ZNF609: variants seen among roughly 807,000 people sequenced by gnomAD.
ZNF609 encodes the protein zinc finger protein 609.
ZNF609 carries 11 observed loss-of-function variants against 109.5 expected under a neutral mutation model. That is an observed-to-expected ratio of 0.10 (90% confidence interval 0.06 to 0.17). ZNF609 has a LOEUF of 0.17. Ranked by LOEUF, ZNF609 falls within the 10% of genes least tolerant of loss-of-function variation. ZNF609 has a pLI of 1.00. For synonymous variants in ZNF609, 646 were observed against 662.0 expected (o/e 0.98, Z 0.37); for missense variants, 1,559 against 1,772.4 (o/e 0.88, Z 2.16).
At chr15:64,609,130 T>TTC (rs750700444) in intron 2 of ZNF609, among the ~76,000 whole-genome samples, 14,042 of 83,698 alleles carry the variant, frequency 0.17, 1,099 homozygotes, top group Non-Finnish European at 0.18. Context: ...CTTTCTTTCT[T>TTC]TTTTTCTTTC....
At chr15:64,636,581 T>A (rs1595748293) in intron 3 of ZNF609, among the ~76,000 whole-genome samples, 1 of 152,264 alleles carries the variant, frequency 6.6e-6, no homozygotes, top group Non-Finnish European at 1.5e-5. Context: ...ATACTTGAAA[T>A]ATTGTGCATA....
At chr15:64,472,912 G>A (rs529658251) in intron 1 of ZNF609, among the ~76,000 whole-genome samples, 34 of 152,128 alleles carry the variant, frequency 2.2e-4, no homozygotes, top group African/African-American at 4.8e-4. Context: ...TCTGAAATTC[G>A]GTGTAAAGCT....
intron 2 of ZNF609, chr15:64,529,746 T>C (rs1894029192): frequency 1.7e-6 from 1 of 573,124 alleles, no homozygotes; most frequent in Non-Finnish European, 3.3e-6. Context: ...AGAGACTTTT[T>C]TGAGACGGAG....
At chr15:64,568,965 C>A (rs975650160) in intron 2 of ZNF609, among the ~76,000 whole-genome samples, 2 of 152,160 alleles carry the variant, frequency 1.3e-5, no homozygotes, top group African/African-American at 4.8e-5. Flanking sequence ...TTATCTTAAC[C>A]ACTCTTACTA....
At chr15:64,608,393 C>T (rs891695055) in intron 2 of ZNF609, among the ~76,000 whole-genome samples, 1 of 152,138 alleles carries the variant, frequency 6.6e-6, no homozygotes, top group East Asian at 1.9e-4. Context: ...AACTCTAGCA[C>T]AATATTGCAA....
At chr15:64,637,994 T>TTATATATATATATATATATATATAAAATA (rs3057845) in intron 3 of ZNF609, among the ~76,000 whole-genome samples, 1 of 134,362 alleles carries the variant, frequency 7.4e-6, no homozygotes, top group African/African-American at 2.7e-5. Context: ...GAACCTTGTT[T>TTATATATATATATATATATATATAAAATA]TATATATATA....
chr15:64,653,270 G>T (rs1048833671), intron 3 of ZNF609, among the ~76,000 whole-genome samples: 2 of 152,172 alleles, frequency 1.3e-5, no homozygotes, highest in African/African-American at 4.8e-5. Flanking sequence ...GTGATCTTTT[G>T]GATTGTTAGA....
At chr15:64,583,298 G>A (rs1567021155) in intron 2 of ZNF609, among the ~76,000 whole-genome samples, 1 of 151,078 alleles carries the variant, frequency 6.6e-6, no homozygotes, top group East Asian at 2.0e-4. Context: ...AGCCAAGATT[G>A]CGCCACTGCA....
At position 64,684,213 on chromosome 15, in the gene ZNF609, G is replaced by C. The variant is rs2083228038; in HGVS notation, c.*2527G>C. On this transcript the variant is annotated 3_prime_UTR_variant, in exon 10 of 10. Coordinates refer to ENST00000326648, the MANE Select transcript of ZNF609 (RefSeq NM_015042.2). Reference sequence around the variant, plus strand: ...ATGGGGAGGAGAAACACAGGTGGGAGCTACCTGTGGCATCCATGACCTAGT... The same window carrying C: ...ATGGGGAGGAGAAACACAGGTGGGACCTACCTGTGGCATCCATGACCTAGT... 6.6e-6 allele frequency: 1 copy of C among 152,166 alleles called. No homozygotes were observed. Among genetic ancestry groups the C allele is most frequent in the Non-Finnish European group, 1.5e-5 (1 of 68,042 alleles). 9.4% of individuals were successfully genotyped at this position (152,166 alleles called of 1,614,324 possible). A position where few individuals can be genotyped will look rare whatever the true frequency, so the allele number is the denominator to read the frequency against.
At chr15:64,623,923 CA>C (rs1182089563) in intron 3 of ZNF609, among the ~76,000 whole-genome samples, 1 of 152,132 alleles carries the variant, frequency 6.6e-6, no homozygotes, top group Non-Finnish European at 1.5e-5. Context: ...AACAGACTTT[CA>C]AACTGTCCTC....
intron 2 of ZNF609, among the ~76,000 whole-genome samples, chr15:64,516,743 AAT>A (rs200092934): frequency 1.3e-5 from 2 of 152,056 alleles, no homozygotes; most frequent in Admixed American, 1.3e-4. Context: ...ATTTATTAAG[AAT>A]ATATATATAT....
chr15:64,570,968 G>A (rs1035373362), intron 2 of ZNF609, among the ~76,000 whole-genome samples: 1 of 152,208 alleles, frequency 6.6e-6, no homozygotes, highest in Admixed American at 6.5e-5. Context: ...GGAAGTTGCA[G>A]TGAGCCGGGA....
intron 6 of ZNF609, among the ~76,000 whole-genome samples, chr15:64,679,121 A>G (rs1896845907): frequency 6.6e-6 from 1 of 152,188 alleles, no homozygotes; most frequent in African/African-American, 2.4e-5. Flanking sequence ...TGCACAGGCT[A>G]GAGTGCAGTG....
intron 2 of ZNF609, among the ~76,000 whole-genome samples, chr15:64,600,651 A>G (rs1895482086): frequency 1.0e-5 from 1 of 98,984 alleles, no homozygotes; most frequent in South Asian, 4.3e-4. Context: ...GAAAGAAAGA[A>G]AGCAGGGATG....
chr15:64,527,056 G>A (rs1893976642), intron 2 of ZNF609, among the ~76,000 whole-genome samples: 2 of 151,960 alleles, frequency 1.3e-5, no homozygotes, highest in South Asian at 2.1e-4. Context: ...GAGGAAGGAG[G>A]CTGGAGAAAC....
At chr15:64,521,962 T>G (rs1023518147) in intron 2 of ZNF609, among the ~76,000 whole-genome samples, 4 of 152,226 alleles carry the variant, frequency 2.6e-5, no homozygotes, top group African/African-American at 9.7e-5. Flanking sequence ...AAGCTCCAGC[T>G]GTGTTATCTA....
intron 2 of ZNF609, among the ~76,000 whole-genome samples, chr15:64,616,812 C>CTTTGTTT (rs1895805835): frequency 3.0e-5 from 1 of 32,832 alleles, no homozygotes; most frequent in Non-Finnish European, 4.8e-5. Context: ...AGCCACCATG[C>CTTTGTTT]TTTTTTTTTT....
intron 2 of ZNF609, among the ~76,000 whole-genome samples, chr15:64,578,444 C>T (rs889588782): frequency 1.3e-5 from 2 of 152,194 alleles, no homozygotes; most frequent in Admixed American, 1.3e-4. Context: ...ACTGTAATCC[C>T]AGCACCTTGG....
intron 1 of ZNF609, among the ~76,000 whole-genome samples, chr15:64,497,041 C>T (rs748660224): frequency 2.0e-5 from 3 of 152,212 alleles, no homozygotes; most frequent in Non-Finnish European, 4.4e-5. Flanking sequence ...TCTCAAACTC[C>T]TGGGCTCAAG....
Sources: allele counts gnomAD v4.1 joint callset (sites outside exome capture counted in the v4.1 genomes callset), GRCh38; gene constraint gnomAD v4.1.1; transcripts MANE v1.5; gene names NCBI Gene and HGNC (gene_info 2026-07-23, HGNC 2026-07-21).